Variants in TCP11 observed in about 807,000 individuals in gnomAD.
TCP11 encodes the protein T-complex protein 11 homolog.
Under a neutral mutation model 45.0 loss-of-function variants are expected in TCP11, and 34 were observed. The ratio of observed to expected loss-of-function variants is 0.76; its 90% CI spans 0.57 to 1.01. TCP11 has a LOEUF of 1.01. TCP11 is among the 50% of genes least tolerant of loss of function. TCP11 has a pLI of 0.00. For missense variants in TCP11, 523 were observed against 598.1 expected (o/e 0.87, Z 1.31); for synonymous variants, 227 against 227.0 (o/e 1.00, Z 0.00).
At chr6:35,129,425 A>G (rs1383160662) in intron 3 of TCP11, among the ~76,000 whole-genome samples, 1 of 152,268 alleles carries the variant, frequency 6.6e-6, no homozygotes, top group Non-Finnish European at 1.5e-5. Flanking sequence ...CTCTCTCTGC[A>G]GTAGAAAGAA....
intron 2 of TCP11, among the ~76,000 whole-genome samples, chr6:35,138,885 T>A (rs1463460588): frequency 6.6e-6 from 1 of 151,964 alleles, no homozygotes; most frequent in Non-Finnish European, 1.5e-5. Flanking sequence ...CCACAAAAAT[T>A]TAAAAATTAA....
At chr6:35,140,131 G>A (rs1781555106) in intron 2 of TCP11, 2 of 1,612,612 alleles carry the variant, frequency 1.2e-6, no homozygotes, top group Admixed American at 3.3e-5. Flanking sequence ...CAGCCGCAAA[G>A]CCTCAATCTA....
At chr6:35,125,765 G>A (rs575490088) in intron 4 of TCP11, among the ~76,000 whole-genome samples, 8 of 152,120 alleles carry the variant, frequency 5.3e-5, no homozygotes, top group East Asian at 1.9e-4. Flanking sequence ...GAACCTAAAC[G>A]TCCATCAACA....
chr6:35,140,653 G>A (rs1781633792), intron 2 of TCP11, 94 bp downstream of exon 2: 1 of 732,118 alleles, frequency 1.4e-6, no homozygotes, highest in Non-Finnish European at 2.5e-6. Context: ...GAGAGGGATA[G>A]TGAAGAGAGA....
At chr6:35,121,286 AT>A (rs1207193994) in intron 5 of TCP11, among the ~76,000 whole-genome samples, 1 of 152,202 alleles carries the variant, frequency 6.6e-6, no homozygotes, top group South Asian at 2.1e-4. Flanking sequence ...CACTATGGTC[AT>A]TCTGTTGCCT....
chr6:35,141,251 G>T lies in TCP11; in HGVS notation c.-61C>A. ...TCATCCACTGGCGTCCGCTCGGTGG[G>T]CCTCGCGGCCTGGCGGCCTGGAGCG... On this transcript the variant is annotated 5_prime_UTR_variant, in exon 1 of 10. Transcript: ENST00000311875. 1 of 1,299,782 alleles carries T rather than the reference G, an allele frequency of 7.7e-7. No homozygotes were observed. Among genetic ancestry groups the T allele is most frequent in the South Asian group, 1.8e-5 (1 of 54,802 alleles). The allele number at this position is 1,299,782 out of a possible 1,614,324, so 80.5% of individuals were successfully genotyped here. A position where few individuals can be genotyped will look rare whatever the true frequency, so the allele number is the denominator to read the frequency against.
chr6:35,132,966 G>C (rs1780619304), intron 3 of TCP11, among the ~76,000 whole-genome samples: 1 of 152,118 alleles, frequency 6.6e-6, no homozygotes, highest in Non-Finnish European at 1.5e-5. Context: ...CATCAGTCAA[G>C]AACAAATCAA....
Position 35,140,127 on chromosome 6 carries a change from C to T in TCP11, c.124+620G>A, listed in dbSNP as rs181189453. 1.2e-4 allele frequency: 187 copies of T among 1,613,056 alleles called. 1 individual carries two copies. In the Middle Eastern group the frequency reaches 1.8e-3, roughly 16 times the overall value. ...AAGAAAAACCAATCTAATTCAGCCG[C>T]AAAGCCTCAATCTAATTTTTCGCAT... On this transcript the variant is annotated intron_variant, in intron 2 of 9. Transcript: ENST00000311875.
At chr6:35,133,733 C>A (rs753714071) in intron 3 of TCP11, among the ~76,000 whole-genome samples, 62 of 151,384 alleles carry the variant, frequency 4.1e-4, no homozygotes, top group Middle Eastern at 3.2e-3. Context: ...GAGGTTGCAG[C>A]AAGCTGAGAT....
Position 35,122,123 on chromosome 6 carries a change from A to G in TCP11, c.572T>C (p.Leu191Pro), listed in dbSNP as rs778500766. 9.9e-6 allele frequency: 16 copies of G among 1,614,210 alleles called. No individual in the cohort carries two copies. The highest frequency in any genetic ancestry group is 1.4e-5 in the Non-Finnish European group (16 of 1,180,020). Residue 191 changes from leucine to proline, a missense_variant, in exon 5 of 10, where the codon CTA becomes CCA. Transcript: ENST00000311875. ...KLENITDPVWLLRGIFQVLGR... is the reference protein window; with the variant it reads ...KLENITDPVWPLRGIFQVLGR... ...GCAGTATCAAGTTTCATACCTCAGT[A>G]GCCAAACAGGATCCGTAATGTTTTC...
intron 4 of TCP11, among the ~76,000 whole-genome samples, chr6:35,122,918 G>GAT (rs1779444742): frequency 6.6e-6 from 1 of 152,136 alleles, no homozygotes; most frequent in African/African-American, 2.4e-5. Flanking sequence ...TTACCTTCAT[G>GAT]TTAAACAAAT....
At chr6:35,134,025 A>C in intron 3 of TCP11, among the ~76,000 whole-genome samples, 1 of 152,138 alleles carries the variant, frequency 6.6e-6, no homozygotes, top group East Asian at 1.9e-4. Context: ...CAAGAGTCAA[A>C]ACACCACTAA....
At chr6:35,137,965 T>C (rs981203603) in intron 2 of TCP11, 1 of 355,412 alleles carries the variant, frequency 2.8e-6, no homozygotes, top group Admixed American at 3.7e-5. Flanking sequence ...AAGGTTACTG[T>C]AGAAAAGTTA....
chr6:35,140,727 G>A lies in TCP11; in HGVS notation c.124+20C>T. 6.6e-7 allele frequency: 1 copy of A among 1,522,484 alleles called. No homozygotes were observed. The highest frequency in any genetic ancestry group is 8.8e-7 in the Non-Finnish European group (1 of 1,137,860). 94.3% of individuals were successfully genotyped at this position (1,522,484 alleles called of 1,614,324 possible). On this transcript the variant is annotated intron_variant, in intron 2 of 9. Coordinates refer to ENST00000311875, the MANE Select transcript of TCP11 (RefSeq NM_001370687.1). ...TAAGCACCCCCTAGGGGGCCACAGG[G>A]ACTGCCGAGCTGGACCTACAGGGAG... is the stretch of plus-strand genomic sequence containing the variant.
At chr6:35,118,777 G>T (rs1778910288) in intron 9 of TCP11, among the ~76,000 whole-genome samples, 1 of 152,224 alleles carries the variant, frequency 6.6e-6, no homozygotes, top group Admixed American at 6.5e-5. Context: ...TGACATAACA[G>T]GAGGAACTTA....
intron 5 of TCP11, 96 bp from the exon 6 acceptor site, chr6:35,121,141 A>C (rs1353169326): frequency 1.3e-5 from 18 of 1,380,228 alleles, no homozygotes; most frequent in Non-Finnish European, 1.7e-5. Flanking sequence ...GAGGGGCTTA[A>C]GACTAACTTA....
chr6:35,131,828 C>G (rs1183370040), intron 3 of TCP11, among the ~76,000 whole-genome samples: 1 of 152,120 alleles, frequency 6.6e-6, no homozygotes, highest in Non-Finnish European at 1.5e-5. Flanking sequence ...TCTCCAACTC[C>G]TAGTTGCAAG....
intron 1 of TCP11, 93 bp downstream of exon 1, chr6:35,141,112 C>T: frequency 1.5e-6 from 2 of 1,295,508 alleles, no homozygotes; most frequent in Non-Finnish European, 2.0e-6. Context: ...CGGCGCAGGG[C>T]GGGAAGCGTG....
At position 35,120,488 on chromosome 6, in the gene TCP11, G is replaced by C; in HGVS notation, c.874C>G (p.Leu292Val). The change falls in exon 7 of 10, where the codon CTG becomes GTG. Residue 292 changes from leucine to valine, a missense_variant. By Grantham distance (32) the Leu-to-Val change is conservative. Transcript: ENST00000311875. This position sits in a 1 kb window ranked among gnomAD's most constrained non-coding sequence, Gnocchi z 4.9. ...AGGAGGTTCAAGAAGCCCTGACACA[G>C]CACCATTGTGGGGCTGAGGGGCTCT... ...NPEPLSPTMVLCQGFLNLLLW... is the reference protein window; with the variant it reads ...NPEPLSPTMVVCQGFLNLLLW... The C allele has an allele frequency of 1.9e-6, 3 of 1,612,644 alleles. No individual in the cohort carries two copies. The highest frequency in any genetic ancestry group is 2.5e-6 in the Non-Finnish European group (3 of 1,179,462).
Sources: allele counts gnomAD v4.1 joint callset (sites outside exome capture counted in the v4.1 genomes callset), GRCh38; gene constraint gnomAD v4.1.1; non-coding constraint Gnocchi (gnomAD v3.1); transcripts MANE v1.5; gene names NCBI Gene and HGNC (gene_info 2026-07-23, HGNC 2026-07-21).